The following CPNE8 variants were observed in gnomAD, a reference collection of about 807,000 sequenced individuals.
CPNE8 encodes the protein copine-8.
CPNE8 carries 45 observed loss-of-function variants against 81.5 expected under a neutral mutation model. That is an observed-to-expected ratio of 0.55 (90% CI 0.44 to 0.71). The LOEUF (loss-of-function observed/expected upper bound fraction) is 0.71, where lower values mean the gene tolerates loss of function less well. CPNE8 is among the 30% of genes least tolerant of loss of function. CPNE8 has a pLI of 0.00. For synonymous variants in CPNE8, 252 were observed against 226.3 expected (o/e 1.11, Z -1.02); for missense variants, 594 against 672.1 (o/e 0.88, Z 1.28).
At chr12:38,723,735 T>C (rs1366572937) in intron 13 of CPNE8, 37 bp downstream of exon 13, 1 of 1,322,834 alleles carries the variant, frequency 7.6e-7, no homozygotes, top group Non-Finnish European at 1.1e-6. Flanking sequence ...TTTTAGGAAA[T>C]GCCTAAGCAA....
At chr12:38,859,746 G>C (rs1006498033) in intron 3 of CPNE8, among the ~76,000 whole-genome samples, 1 of 152,048 alleles carries the variant, frequency 6.6e-6, no homozygotes, top group African/African-American at 2.4e-5. Context: ...GAATAGAAGA[G>C]AAAGCTCATA....
At chr12:38,741,068 G>A (rs899541798) in intron 10 of CPNE8, among the ~76,000 whole-genome samples, 5 of 152,100 alleles carry the variant, frequency 3.3e-5, no homozygotes, top group Admixed American at 2.6e-4. Flanking sequence ...CATGCTCATG[G>A]ATAGGAAGAA....
At position 38,667,585 on chromosome 12, in the gene CPNE8, G is replaced by A. The variant is rs113922977; in HGVS notation, c.1506+3144C>T. Among the ~76,000 whole-genome samples the A allele has an allele frequency of 7.0e-3, 1,061 of 152,294 alleles. 15 individuals are homozygous for A. Among genetic ancestry groups the A allele is most frequent in the African/African-American group, 0.024 (1,014 of 41,558 alleles). ...TCTCTAACTCAATGCAGGAATGTAA[G>A]TCAAGATGCCACTGTCATTCAGGGT... On this transcript the variant is annotated intron_variant, in intron 19 of 19. Coordinates refer to ENST00000331366, the MANE Select transcript of CPNE8 (RefSeq NM_153634.3).
chr12:38,661,156 C>A (rs1938943122), intron 19 of CPNE8, among the ~76,000 whole-genome samples: 2 of 152,128 alleles, frequency 1.3e-5, no homozygotes, highest in South Asian at 2.1e-4. Context: ...GACACATGCA[C>A]ATGTATGTTT....
intron 10 of CPNE8, among the ~76,000 whole-genome samples, chr12:38,745,417 A>G (rs1941205459): frequency 1.3e-5 from 2 of 152,222 alleles, no homozygotes; most frequent in African/African-American, 2.4e-5. Context: ...CATTCTTGGC[A>G]GGAACATACC....
intron 10 of CPNE8, among the ~76,000 whole-genome samples, chr12:38,743,094 C>CA (rs1249050448): frequency 1.3e-5 from 2 of 151,974 alleles, no homozygotes; most frequent in Non-Finnish European, 2.9e-5. Flanking sequence ...TAAAATCTTA[C>CA]ATTAATTTGA....
chr12:38,697,911 G>C (rs1939836474), intron 14 of CPNE8, among the ~76,000 whole-genome samples: 1 of 152,096 alleles, frequency 6.6e-6, no homozygotes, highest in South Asian at 2.1e-4. Flanking sequence ...AGCAAATGCT[G>C]GTGCCATGCT....
intron 18 of CPNE8, among the ~76,000 whole-genome samples, chr12:38,673,817 C>A (rs916298276): frequency 6.6e-6 from 1 of 151,636 alleles, no homozygotes; most frequent in African/African-American, 2.4e-5. Context: ...GAATCACTCT[C>A]ATTTGGAGCA....
intron 3 of CPNE8, among the ~76,000 whole-genome samples, chr12:38,858,453 C>T (rs1357566588): frequency 6.6e-6 from 1 of 152,192 alleles, no homozygotes; most frequent in Non-Finnish European, 1.5e-5. Context: ...AGGCAATGTG[C>T]CAAAGTAGCA....
intron 10 of CPNE8, among the ~76,000 whole-genome samples, chr12:38,743,357 G>T (rs1301317890): frequency 6.6e-6 from 1 of 151,914 alleles, no homozygotes; most frequent in Non-Finnish European, 1.5e-5. Flanking sequence ...ATTTTATGTG[G>T]TATTTCTTTA....
intron 8 of CPNE8, among the ~76,000 whole-genome samples, chr12:38,766,164 A>G (rs1347638164): frequency 6.6e-6 from 1 of 152,048 alleles, no homozygotes; most frequent in East Asian, 1.9e-4. Context: ...GGCCGTGAAC[A>G]TCATTTTTAC....
chr12:38,772,929 A>G (rs1283855575), intron 7 of CPNE8, among the ~76,000 whole-genome samples: 1 of 41,578 alleles, frequency 2.4e-5, no homozygotes, highest in East Asian at 6.9e-4. Context: ...TAAAATTTAT[A>G]CACACACACA....
chr12:38,762,119 A>T lies in CPNE8; in HGVS notation c.673T>A (p.Tyr225Asn). The stretch of plus-strand genomic sequence containing the variant: ...ATAAACTATCCTTCTTACCTGTCAT[A>T]GTCTCCATTACATAATGCTCTGACT... ...ISVRALCNGD[Y>N]DRTIKVEVYD... The change falls in exon 9 of 20, where the codon TAT (tyrosine) becomes AAT (asparagine). Residue 225 changes from tyrosine (Y) to asparagine (N), a missense_variant. Physicochemically the swap from Tyr to Asn is moderately radical, Grantham distance 143. Transcript: ENST00000331366. The T allele has an allele frequency of 1.3e-6, 2 of 1,497,240 alleles. No homozygotes were observed. Among genetic ancestry groups the T allele is most frequent in the Non-Finnish European group, 1.8e-6 (2 of 1,107,036 alleles). 92.7% of individuals were successfully genotyped at this position (1,497,240 alleles called of 1,614,324 possible).
chr12:38,664,312 G>T (rs1462283496), intron 19 of CPNE8, among the ~76,000 whole-genome samples: 2 of 151,916 alleles, frequency 1.3e-5, no homozygotes, highest in Non-Finnish European at 2.9e-5. Flanking sequence ...TATTAAATAA[G>T]TTAAAACTTA....
chr12:38,659,472 T>C (rs536337837), intron 19 of CPNE8, among the ~76,000 whole-genome samples: 10 of 152,208 alleles, frequency 6.6e-5, no homozygotes, highest in African/African-American at 2.4e-4. Flanking sequence ...CACCCCACTG[T>C]CAATATTAGA....
intron 10 of CPNE8, among the ~76,000 whole-genome samples, chr12:38,739,824 CAT>C (rs1007542534): frequency 1.3e-5 from 2 of 152,102 alleles, no homozygotes; most frequent in Admixed American, 1.3e-4. Flanking sequence ...TACATTTTAA[CAT>C]ATGCATTCCA....
intron 19 of CPNE8, among the ~76,000 whole-genome samples, chr12:38,659,966 G>T (rs1181256690): frequency 6.6e-6 from 1 of 152,112 alleles, no homozygotes; most frequent in Admixed American, 6.5e-5. Context: ...AATAAAAGAG[G>T]ACACAAATAA....
chr12:38,654,570 C>T (rs891207859), intron 19 of CPNE8, among the ~76,000 whole-genome samples: 8 of 148,308 alleles, frequency 5.4e-5, no homozygotes, highest in African/African-American at 2.0e-4. Flanking sequence ...AGTGACTAAA[C>T]TTACATAATA....
chr12:38,859,257 GA>G (rs1943792680), intron 3 of CPNE8, among the ~76,000 whole-genome samples: 1 of 151,200 alleles, frequency 6.6e-6, no homozygotes, highest in Non-Finnish European at 1.5e-5. Flanking sequence ...TTGCAGATAC[GA>G]AATCTATATA....
Sources: allele counts gnomAD v4.1 joint callset (sites outside exome capture counted in the v4.1 genomes callset), GRCh38; gene constraint gnomAD v4.1.1; transcripts MANE v1.5; gene names NCBI Gene and HGNC (gene_info 2026-07-23, HGNC 2026-07-21).